Variants in CROCC2 observed in about 807,000 individuals in gnomAD.
CROCC2 encodes ciliary rootlet coiled-coil, rootletin family member 2.
Under a neutral mutation model 177.6 loss-of-function variants are expected in CROCC2, and 163 were observed. That is an observed-to-expected ratio of 0.92 (90% CI 0.81 to 1.05). The LOEUF is 1.05. CROCC2 is among the 50% of genes least tolerant of loss of function. CROCC2 has a pLI of 0.00. For missense variants in CROCC2, 1,929 were observed against 1,797.8 expected (o/e 1.07, Z -1.32); for synonymous variants, 904 against 787.3 (o/e 1.15, Z -2.48).
intron 5 of CROCC2, among the ~76,000 whole-genome samples, chr2:240,926,087 G>A (rs1255426732): frequency 6.6e-6 from 1 of 152,176 alleles, no homozygotes; most frequent in Non-Finnish European, 1.5e-5. Context: ...CACCCCTACT[G>A]CCCCCCACCC....
chr2:240,927,443 A>G (rs1228754584), intron 5 of CROCC2, among the ~76,000 whole-genome samples: 3 of 152,144 alleles, frequency 2.0e-5, no homozygotes, highest in Non-Finnish European at 4.4e-5. Flanking sequence ...TCCCAGGCAC[A>G]GTTCACGGAT....
intron 28 of CROCC2, among the ~76,000 whole-genome samples, chr2:240,988,369 G>A (rs1250804420): frequency 3.3e-5 from 5 of 152,242 alleles, no homozygotes; most frequent in Non-Finnish European, 4.4e-5. Flanking sequence ...GCCAGAGAGT[G>A]CAGGGGATCA....
intron 18 of CROCC2, among the ~76,000 whole-genome samples, chr2:240,952,079 C>T (rs1409342154): frequency 6.6e-6 from 1 of 152,148 alleles, no homozygotes; most frequent in Non-Finnish European, 1.5e-5. Context: ...GGTGCTGTGG[C>T]TCACACCTGT....
At chr2:240,962,166 G>A (rs1051041265) in intron 20 of CROCC2, among the ~76,000 whole-genome samples, 1 of 152,074 alleles carries the variant, frequency 6.6e-6, no homozygotes. Context: ...CCTCCCTGTA[G>A]GAGATTTTTA....
At chr2:240,943,482 C>CTT (rs374737398) in intron 14 of CROCC2, among the ~76,000 whole-genome samples, 59 of 136,642 alleles carry the variant, frequency 4.3e-4, no homozygotes, top group Admixed American at 8.9e-4. Context: ...TTAGCTAAAG[C>CTT]TTTTTTTTTT....
Position 240,930,196 on chromosome 2 carries a change from G to T in CROCC2, c.676G>T (p.Asp226Tyr), listed in dbSNP as rs1323066736. The part of the protein sequence containing the change: ...TRSGGLGQPR[D>Y]LLLLWRQAVV... Reference sequence around the variant, plus strand: ...GTCAGGGGGCCTGGGGCAGCCCCGGGACCTCCTCCTCCTGTGGAGACAGGC... The same window carrying T: ...GTCAGGGGGCCTGGGGCAGCCCCGGTACCTCCTCCTCCTGTGGAGACAGGC... The change falls in exon 6 of 32, where the codon GAC becomes TAC. Residue 226 changes from aspartate to tyrosine, a missense_variant. By Grantham distance (160) the Asp-to-Tyr change is radical. Around this residue, in one of 3 missense-constraint regions of CROCC2, gnomAD observed 1,397 missense variants for 1,239.9 expected, o/e 1.13. Coordinates refer to ENST00000690015, the MANE Select transcript of CROCC2 (RefSeq NM_001351305.2). 1.7e-6 allele frequency: 1 copy of T among 588,384 alleles called. No individual in the cohort carries two copies. The highest frequency in any genetic ancestry group is 2.2e-5 in the South Asian group (1 of 45,442). The allele number at this position is 588,384 out of a possible 1,614,324, so 36.4% of individuals were successfully genotyped here.
chr2:240,915,535 C>A (rs760054480), intron 1 of CROCC2, among the ~76,000 whole-genome samples: 4 of 152,228 alleles, frequency 2.6e-5, no homozygotes, highest in Non-Finnish European at 5.9e-5. Context: ...GGGTAACACC[C>A]ACGGTCTCTG....
In CROCC2 at chr2:240,958,267, C is replaced by G; in HGVS notation, c.2944-1034C>G. The G allele has an allele frequency of 1.1e-6, 1 of 878,456 alleles. No individual in the cohort carries two copies. The highest frequency in any genetic ancestry group is 1.4e-6 in the Non-Finnish European group (1 of 732,082). The allele number at this position is 878,456 out of a possible 1,614,324, so 54.4% of individuals were successfully genotyped here. On this transcript the variant is annotated intron_variant, in intron 19 of 31. Transcript: ENST00000690015. This position sits in a 1 kb window ranked among gnomAD's most constrained non-coding sequence, Gnocchi z 6.7. ...CTGAGGCCCTCACAGGGGTATCCTG[C>G]AGCCAGGCCTCAGGGGCACCCATCA...
Position 240,965,505 on chromosome 2 carries a change from G to T in CROCC2, c.3590G>T (p.Gly1197Val), listed in dbSNP as rs2059675454. Residue 1197 changes from glycine (G) to valine (V), a missense_variant, in exon 23 of 32, where the codon GGT becomes GTT. Gly to Val is a moderately radical substitution (Grantham distance 109). This residue lies in a region of CROCC2 where 144 missense variants were observed against 205.2 expected (regional missense o/e 0.70). Coordinates refer to ENST00000690015, the MANE Select transcript of CROCC2 (RefSeq NM_001351305.2). ...GCCAAGGCAGAGGCCAAGCACGAGG[G>T]TGCCCGGAAGGAGGTGGGAGGGCTG... The part of the protein sequence containing the change: ...QAAKAEAKHE[G>V]ARKEVLGLQR... 6.5e-7 allele frequency: 1 copy of T among 1,550,148 alleles called. No individual in the cohort carries two copies. The highest frequency in any genetic ancestry group is 1.4e-5 in the African/African-American group (1 of 73,052).
At chr2:240,965,246 G>T in intron 22 of CROCC2, 135 bp from the exon 23 acceptor site, 2 of 1,303,066 alleles carry the variant, frequency 1.5e-6, no homozygotes, top group Non-Finnish European at 1.0e-6. Context: ...GTCCTTTGGG[G>T]CACCTTAGCC....
rs867409919 is a variant in CROCC2 at position 240,933,204 on chromosome 2, G to C, written c.1325G>C (p.Arg442Pro). 6 of 1,549,542 alleles carry C rather than the reference G, an allele frequency of 3.9e-6. No homozygotes were observed. The African/African-American group carries it at 8.2e-5, about 21-fold the overall frequency. The change falls in exon 10 of 32, where the codon CGG (arginine) becomes CCG (proline). Residue 442 changes from arginine (R) to proline (P), a missense_variant. Around this residue, in one of 3 missense-constraint regions of CROCC2, gnomAD observed 1,397 missense variants for 1,239.9 expected, o/e 1.13. Coordinates refer to ENST00000690015, the MANE Select transcript of CROCC2 (RefSeq NM_001351305.2). ...SLQEQLSESR[R>P]ELWAAQKLQQ... ...CAGGAGCAGCTGTCCGAAAGCCGGC[G>C]GGAGCTGTGGGCCGCACAGAAGCTC...
rs1238473919 is a variant in CROCC2, at chr2:240,934,458, C to T, written c.1774C>T (p.Arg592Cys). The T allele has an allele frequency of 3.6e-5, 56 of 1,548,066 alleles. No individual in the cohort carries two copies. Among genetic ancestry groups the T allele is most frequent in the East Asian group, 1.2e-4 (5 of 40,930 alleles). Residue 592 changes from arginine to cysteine, a missense_variant, in exon 12 of 32, where the codon CGC (arginine) becomes TGC (cysteine). By Grantham distance (180) the Arg-to-Cys change is radical. Transcript: ENST00000690015. The part of the protein sequence containing the change: ...DVVESEREGL[R>C]SALARAECSN... ...CGTGGAGAGTGAGAGGGAGGGACTG[C>T]GCAGCGCCCTGGCGCGGGTACACTC...
At chr2:240,916,722 G>A (rs1574744579) in intron 1 of CROCC2, among the ~76,000 whole-genome samples, 2 of 152,340 alleles carry the variant, frequency 1.3e-5, no homozygotes, top group East Asian at 3.9e-4. Flanking sequence ...CCGTTAGCGG[G>A]TGGCGCCGCC....
chr2:240,933,038 G>T (rs1351409038), intron 9 of CROCC2, 93 bp from the exon 10 acceptor site: 3 of 1,516,642 alleles, frequency 2.0e-6, no homozygotes, highest in Non-Finnish European at 1.8e-6. Context: ...AGTGTCGGGG[G>T]TGTCCTTTCT....
In CROCC2 at chr2:240,965,362, T is replaced by A; in HGVS notation, c.3466-19T>A. ...GCACAGAGACCAGTGACCCTGTCCG[T>A]GCGGCCCCACGCTCCCAGGTGAGGA... is the stretch of plus-strand genomic sequence containing the variant. On this transcript the variant is annotated intron_variant, in intron 22 of 31. Transcript: ENST00000690015. 1 of 1,548,750 alleles carries A rather than the reference T, an allele frequency of 6.5e-7. No homozygotes were observed. The highest frequency in any genetic ancestry group is 8.7e-7 in the Non-Finnish European group (1 of 1,146,674).
rs79030630 is a variant in CROCC2, at chr2:240,993,179, A to G, written c.*98A>G. The G allele has an allele frequency of 0.13, 88,054 of 688,214 alleles. 6,276 individuals carry two copies. Among genetic ancestry groups the G allele is most frequent in the South Asian group, 0.2 (13,014 of 64,946 alleles). 42.6% of individuals were successfully genotyped at this position (688,214 alleles called of 1,614,324 possible). On this transcript the variant is annotated 3_prime_UTR_variant, in exon 32 of 32. Transcript: ENST00000690015. ...GCTGATTTCTCAGCGTCACAGTGAA[A>G]GGCACCCGTGATGAGACAGCTCGCT...
rs1416195957 is a variant in CROCC2 at position 240,950,351 on chromosome 2, C to A, written c.2670C>A (p.Thr890=). 6.5e-7 allele frequency: 1 copy of A among 1,549,922 alleles called. No homozygotes were observed. Among genetic ancestry groups the A allele is most frequent in the African/African-American group, 1.4e-5 (1 of 73,142 alleles). ...TGGCCCAGGAGACCCTGAGCCTGACCCTGGCAGAGGAGAAGGAGGTAGCCA... is the reference window on the plus strand; with the variant it reads ...TGGCCCAGGAGACCCTGAGCCTGACACTGGCAGAGGAGAAGGAGGTAGCCA... ...LQREKETLSL[T]LAEEKEVARC... Residue 890 remains threonine, a synonymous_variant, in exon 18 of 32, where the codon ACC becomes ACA. Transcript: ENST00000690015.
intron 27 of CROCC2, among the ~76,000 whole-genome samples, chr2:240,978,430 G>A (rs1574794531): frequency 6.6e-5 from 2 of 30,416 alleles, no homozygotes; most frequent in Non-Finnish European, 9.5e-5. Flanking sequence ...AGGAGCCCAG[G>A]CTCATCCCTG....
intron 12 of CROCC2, 151 bp from the exon 13 acceptor site, chr2:240,934,765 G>C: frequency 1.2e-6 from 1 of 853,970 alleles, no homozygotes; most frequent in Non-Finnish European, 1.7e-6. Context: ...TTGGCCCTGA[G>C]ACCTCCCCAC....
Sources: allele counts gnomAD v4.1 joint callset (sites outside exome capture counted in the v4.1 genomes callset), GRCh38; gene constraint gnomAD v4.1.1; regional missense constraint gnomAD v4.1.1; non-coding constraint Gnocchi (gnomAD v3.1); transcripts MANE v1.5; gene names NCBI Gene and HGNC (gene_info 2026-07-23, HGNC 2026-07-21).